GRIP1: variants seen among roughly 807,000 people sequenced by gnomAD.
The protein encoded by GRIP1 is glutamate receptor-interacting protein 1.
GRIP1 carries 45 observed loss-of-function variants against 129.9 expected under a neutral mutation model. The observed-to-expected ratio is 0.35, with a 90% CI of 0.27 to 0.44. The LOEUF is 0.44. GRIP1 is among the 20% of genes least tolerant of loss of function. The pLI is 1.00. For synonymous variants in GRIP1, 530 were observed against 520.8 expected (o/e 1.02, Z -0.24); for missense variants, 1,196 against 1,396.8 (o/e 0.86, Z 2.29).
At chr12:66,994,808 T>C (rs2042443907) in intron 1 of GRIP1, among the ~76,000 whole-genome samples, 1 of 152,084 alleles carries the variant, frequency 6.6e-6, no homozygotes, top group South Asian at 2.1e-4. Flanking sequence ...ATTATCAAAA[T>C]TTCATCTCTA....
intron 1 of GRIP1, among the ~76,000 whole-genome samples, chr12:66,767,643 T>G (rs1428948109): frequency 6.6e-6 from 1 of 151,776 alleles, no homozygotes; most frequent in East Asian, 1.9e-4. Context: ...GGCTGATTTC[T>G]TGCCGTAGGC....
intron 14 of GRIP1, among the ~76,000 whole-genome samples, chr12:66,430,194 T>C (rs893232679): frequency 2.0e-5 from 3 of 152,242 alleles, no homozygotes; most frequent in African/African-American, 7.2e-5. Flanking sequence ...TGAAAATGGA[T>C]TCTGGCCTTT....
chr12:66,384,596 G>A (rs1425011106), intron 19 of GRIP1, among the ~76,000 whole-genome samples: 1 of 152,050 alleles, frequency 6.6e-6, no homozygotes, highest in Non-Finnish European at 1.5e-5. Context: ...GGTTTTTTTG[G>A]TTTAAGGGAG....
intron 1 of GRIP1, among the ~76,000 whole-genome samples, chr12:66,942,466 G>C (rs769497529): frequency 3.3e-5 from 5 of 152,184 alleles, no homozygotes; most frequent in Non-Finnish European, 7.3e-5. Context: ...ACCAAGGTCA[G>C]TAAAGGGGCA....
At position 66,447,416 on chromosome 12, in the gene GRIP1, C is replaced by T. The variant is rs1013384357; in HGVS notation, c.1355-1908G>A. Among the ~76,000 whole-genome samples the T allele has an allele frequency of 5.3e-5, 8 of 152,238 alleles. No homozygotes were observed. In the South Asian group the frequency reaches 1.5e-3, roughly 28 times the overall value. On this transcript the variant is annotated intron_variant, in intron 11 of 24. Transcript: ENST00000359742. ...TATTTGTTGTGTGATATTTTGACAC[C>T]TTATTTCATTCCACAAAGGATTTGT...
In GRIP1 at chr12:67,008,733, A is replaced by G. The variant is rs1638885928; in HGVS notation, c.58+60317T>C. 2.0e-5 allele frequency among the ~76,000 whole-genome samples: 3 copies of G among 152,196 alleles called. No individual in the cohort carries two copies. In the South Asian group the frequency reaches 6.2e-4, roughly 31 times the overall value. ...ACAGGAAGTGCTAGCACAGTGTTCA[A>G]ACAGTAAGTGCTAAAGAAACTATAG... On this transcript the variant is annotated intron_variant, in intron 1 of 1. Coordinates refer to the GRIP1 transcript ENST00000643019.
At chr12:66,903,172 T>A (rs894282461) in intron 1 of GRIP1, among the ~76,000 whole-genome samples, 1 of 152,146 alleles carries the variant, frequency 6.6e-6, no homozygotes, top group Admixed American at 6.5e-5. Flanking sequence ...TAAATCAACA[T>A]GCAAAAAAGC....
At chr12:66,543,948 A>C (rs1433469838) in intron 2 of GRIP1, among the ~76,000 whole-genome samples, 2 of 152,122 alleles carry the variant, frequency 1.3e-5, no homozygotes, top group Non-Finnish European at 2.9e-5. Context: ...GTAAGTTTCT[A>C]TTCATAAAAA....
rs180905282 is a variant in GRIP1 at position 66,864,179 on chromosome 12, C to G, written c.58+204871G>C. Among the ~76,000 whole-genome samples the G allele has an allele frequency of 8.9e-4, 136 of 152,080 alleles. No individual in the cohort carries two copies. The Middle Eastern group carries it at 0.017, about 19-fold the overall frequency. On this transcript the variant is annotated intron_variant, in intron 1 of 1. Transcript: ENST00000643019. ...TCCACCCCTGCCAAAAGTGATGATA[C>G]TCAATTTTTTTTCTCTTTTTCTTCT...
chr12:67,048,929 G>C (rs1407597138), intron 1 of GRIP1, among the ~76,000 whole-genome samples: 1 of 152,016 alleles, frequency 6.6e-6, no homozygotes, highest in Non-Finnish European at 1.5e-5. Context: ...CTTAGTCTTA[G>C]GTATGTCTTT....
chr12:67,008,114 T>C (rs775761845), intron 1 of GRIP1, among the ~76,000 whole-genome samples: 1 of 152,206 alleles, frequency 6.6e-6, no homozygotes, highest in Non-Finnish European at 1.5e-5. Flanking sequence ...CTTTTCTTTT[T>C]GACAAATGAC....
At chr12:66,955,058 T>A (rs1304349196) in intron 1 of GRIP1, among the ~76,000 whole-genome samples, 1 of 152,146 alleles carries the variant, frequency 6.6e-6, no homozygotes, top group Non-Finnish European at 1.5e-5. Context: ...TCTTAATTGA[T>A]ATCTTTTCAT....
intron 5 of GRIP1, among the ~76,000 whole-genome samples, chr12:66,529,063 C>A (rs561338979): frequency 1.3e-5 from 2 of 152,144 alleles, no homozygotes; most frequent in East Asian, 3.9e-4. Flanking sequence ...CACTAATGAT[C>A]AGGGAAATGC....
intron 1 of GRIP1, chr12:67,068,986 G>C: frequency 2.6e-6 from 2 of 774,300 alleles, no homozygotes; most frequent in Non-Finnish European, 3.1e-6. Context: ...CGGGGAGAGG[G>C]AGGCACCGGG....
chr12:66,818,768 T>C (rs2039269098), intron 1 of GRIP1, among the ~76,000 whole-genome samples: 1 of 152,194 alleles, frequency 6.6e-6, no homozygotes, highest in Non-Finnish European at 1.5e-5. Context: ...TTGGTGCCAC[T>C]GTTTGGGTAC....
At chr12:66,689,111 C>A (rs528720978) in intron 1 of GRIP1, among the ~76,000 whole-genome samples, 1 of 152,276 alleles carries the variant, frequency 6.6e-6, no homozygotes, top group East Asian at 1.9e-4. Flanking sequence ...ACTGACCAGA[C>A]GACCAAATTG....
intron 7 of GRIP1, among the ~76,000 whole-genome samples, chr12:66,467,851 T>C (rs1448422706): frequency 3.9e-5 from 6 of 152,242 alleles, no homozygotes; most frequent in Admixed American, 3.9e-4. Context: ...CCACTTTCCA[T>C]GGTCTTGTTG....
At chr12:66,471,040 C>A (rs556839769) in intron 7 of GRIP1, among the ~76,000 whole-genome samples, 7 of 152,292 alleles carry the variant, frequency 4.6e-5, no homozygotes, top group African/African-American at 9.6e-5. Flanking sequence ...TGCCATGATT[C>A]CCTACTAGCC....
chr12:66,631,815 G>A (rs570616724), intron 1 of GRIP1, among the ~76,000 whole-genome samples: 8 of 152,288 alleles, frequency 5.3e-5, no homozygotes, highest in East Asian at 1.9e-4. Context: ...GTATTTTAAC[G>A]TGACAGAACT....
Sources: gnomAD v4.1 joint callset for allele counts (sites outside exome capture counted in the v4.1 genomes callset) on GRCh38, gnomAD v4.1.1 for gene constraint, MANE v1.5 for transcripts, NCBI Gene and HGNC (gene_info 2026-07-23, HGNC 2026-07-21) for gene names.